The following ZNF600 variants were observed in gnomAD, a reference collection of about 807,000 sequenced individuals.
The protein encoded by ZNF600 is zinc finger protein 600, also known as zinc finger protein KR-ZNF1.
Under a neutral mutation model 7.3 loss-of-function variants are expected in ZNF600, and 4 were observed. The ratio of observed to expected loss-of-function variants is 0.55; its 90% CI spans 0.27 to 1.25. The LOEUF is 1.25. Ranked by LOEUF, ZNF600 falls within the 50% of genes most tolerant of loss-of-function variation. The pLI is 0.12. For synonymous variants in ZNF600, 290 were observed against 308.9 expected, an observed-to-expected ratio of 0.94 and a Z score of 0.64; for missense variants, 911 against 922.1, an observed-to-expected ratio of 0.99 and a Z score of 0.16.
chr19:52,820,108 CTTT>C, the ZNF600 span, among the ~76,000 whole-genome samples: 2 of 120,324 alleles, frequency 1.7e-5, no homozygotes, highest in Non-Finnish European at 1.7e-5. Context: ...TATTTAACCT[CTTT>C]TTTTTTTTTT....
In ZNF600 at chr19:52,767,101, TGTAAG is replaced by T. The variant is rs2062589678; in HGVS notation, c.857_861del (p.Pro286GlnfsTer3). The stretch of plus-strand genomic sequence containing the variant: ...AAGGACTTTCCACACTCATTACACT[TGTAAG>T]GTTTCTCTCCAGTGTGACATCTACA... On this transcript the variant is annotated frameshift_variant, in exon 4 of 4. Transcript: ENST00000648973. LOFTEE classifies it low-confidence loss of function (END_TRUNC). 2 of 1,613,868 alleles carry T rather than the reference TGTAAG, an allele frequency of 1.2e-6. No homozygotes were observed. The highest frequency in any genetic ancestry group is 1.7e-6 in the Non-Finnish European group (2 of 1,179,774).
chr19:52,793,945 A>G, the ZNF600 span, among the ~76,000 whole-genome samples: 2 of 152,228 alleles, frequency 1.3e-5, no homozygotes, highest in African/African-American at 4.8e-5. Flanking sequence ...AAGTTTGGCT[A>G]AGTCCCCAGA....
At chr19:52,768,329 A>G (rs955449750) in intron 3 of ZNF600, among the ~76,000 whole-genome samples, 1 of 151,612 alleles carries the variant, frequency 6.6e-6, no homozygotes, top group Non-Finnish European at 1.5e-5. Flanking sequence ...AGTCACAGCA[A>G]CTTGGGAGGC....
upstream of ZNF600, among the ~76,000 whole-genome samples, chr19:52,787,341 C>T (rs542761452): frequency 4.6e-5 from 7 of 151,292 alleles, no homozygotes; most frequent in South Asian, 2.1e-4. Context: ...CCATCCTGGG[C>T]GACAAAGTAA....
At chr19:52,821,710 T>C in the ZNF600 span, 1 of 151,884 alleles carries the variant, frequency 6.6e-6, no homozygotes, top group Non-Finnish European at 1.5e-5. Context: ...CCGGGTGAGG[T>C]GTGGGCGGGG....
chr19:52,823,439 T>C, the ZNF600 span, among the ~76,000 whole-genome samples: 1 of 152,088 alleles, frequency 6.6e-6, no homozygotes, highest in Non-Finnish European at 1.5e-5. Context: ...TGGTTTCTAA[T>C]TCCTGACCTC....
the ZNF600 span, among the ~76,000 whole-genome samples, chr19:52,794,062 T>A: frequency 6.6e-6 from 1 of 151,852 alleles, no homozygotes; most frequent in Non-Finnish European, 1.5e-5. Flanking sequence ...CTGTTTGATG[T>A]CCCAGCAGAG....
At chr19:52,778,962 T>C (rs1600392838) in intron 1 of ZNF600, 55 bp from the exon 4 acceptor site, 6 of 1,507,498 alleles carry the variant, frequency 4.0e-6, no homozygotes, top group Non-Finnish European at 5.3e-6. Context: ...TCCCATCCTG[T>C]GACAAAACCA....
chr19:52,833,219 C>G, the ZNF600 span, among the ~76,000 whole-genome samples: 1 of 152,270 alleles, frequency 6.6e-6, no homozygotes, highest in East Asian at 1.9e-4. Context: ...ATCTGGTCCA[C>G]GAAGAGCTGA....
At chr19:52,801,060 C>T in the ZNF600 span, 37 of 1,614,122 alleles carry the variant, frequency 2.3e-5, no homozygotes, top group Middle Eastern at 4.9e-4. Flanking sequence ...GTGAGATCTA[C>T]GATGGCATGC....
the ZNF600 span, chr19:52,800,301 C>T: frequency 1.9e-6 from 3 of 1,606,226 alleles, no homozygotes; most frequent in Non-Finnish European, 1.7e-6. Flanking sequence ...AGTATGAACT[C>T]TCTGATGTTC....
exon 4 of ZNF600, chr19:52,767,265 C>T (rs1167227929): frequency 3.1e-6 from 5 of 1,614,032 alleles, no homozygotes; most frequent in Admixed American, 1.7e-5. Context: ...ACTCTCATTA[C>T]ATTGGAAAGA....
At chr19:52,777,335 C>T (rs2062684290) in intron 2 of ZNF600, among the ~76,000 whole-genome samples, 1 of 152,104 alleles carries the variant, frequency 6.6e-6, no homozygotes, top group African/African-American at 2.4e-5. Context: ...TGAGATCCCA[C>T]CACTGCAATC....
At chr19:52,782,367 T>C (rs1256459356) in intron 1 of ZNF600, among the ~76,000 whole-genome samples, 2 of 148,686 alleles carry the variant, frequency 1.3e-5, no homozygotes, top group Non-Finnish European at 3.0e-5. Flanking sequence ...CTACTGAAAA[T>C]ACAAAATTAG....
chr19:52,809,988 C>T, the ZNF600 span: 1 of 777,382 alleles, frequency 1.3e-6, no homozygotes, highest in East Asian at 2.7e-5. Context: ...GTCTGAGGAA[C>T]TGGAGCCTGA....
intron 3 of ZNF600, among the ~76,000 whole-genome samples, chr19:52,771,034 T>C (rs1383368428): frequency 6.6e-6 from 1 of 152,120 alleles, no homozygotes. Flanking sequence ...GGTTTCTCCA[T>C]GTTGGTCAGG....
intron 1 of ZNF600, among the ~76,000 whole-genome samples, chr19:52,779,919 G>A (rs1268163435): frequency 6.6e-6 from 1 of 152,072 alleles, no homozygotes; most frequent in African/African-American, 2.4e-5. Flanking sequence ...GGGAAGCTCA[G>A]GCAGGAGAAT....
exon 1 of ZNF600, chr19:52,786,698 T>C (rs2062766589): frequency 6.7e-6 from 2 of 299,434 alleles, no homozygotes; most frequent in East Asian, 9.4e-5. Context: ...ACCTGGGAAG[T>C]GCAGACTTAA....
chr19:52,826,150 G>A, the ZNF600 span, among the ~76,000 whole-genome samples: 3 of 152,116 alleles, frequency 2.0e-5, no homozygotes, highest in South Asian at 6.2e-4. Context: ...TCCGGGAGTG[G>A]TTGCTCAACG....
Sources: allele counts gnomAD v4.1 joint callset (sites outside exome capture counted in the v4.1 genomes callset), GRCh38; gene constraint gnomAD v4.1.1; transcripts MANE v1.5; gene names NCBI Gene and HGNC (gene_info 2026-07-23, HGNC 2026-07-21).